The following AP4S1 variants were observed in gnomAD, a reference collection of about 807,000 sequenced individuals.
AP4S1 encodes the protein adaptor related protein complex 4 subunit sigma 1, also known as AP-4 complex subunit sigma-1.
A neutral mutation model predicts 19.8 loss-of-function variants in AP4S1; 23 were observed. The ratio of observed to expected loss-of-function variants is 1.16; its 90% CI spans 0.84 to 1.65. AP4S1 has a LOEUF of 1.65. Ranked by LOEUF, AP4S1 falls within the 40% of genes most tolerant of loss-of-function variation. The pLI, the probability that AP4S1 is intolerant of heterozygous loss-of-function variation, is 0.00. For synonymous variants in AP4S1, 46 were observed against 54.1 expected, an observed-to-expected ratio of 0.85 and a Z score of 0.66; for missense variants, 166 against 172.8, an observed-to-expected ratio of 0.96 and a Z score of 0.22.
chr14:31,081,467 G>A (rs1327174850), intron 5 of AP4S1, among the ~76,000 whole-genome samples: 7 of 152,106 alleles, frequency 4.6e-5, no homozygotes, highest in East Asian at 1.9e-4. Flanking sequence ...AAACAAGCAC[G>A]ATTTGCTTAG....
At chr14:31,086,955 C>T (rs930609949) in intron 5 of AP4S1, among the ~76,000 whole-genome samples, 7 of 151,926 alleles carry the variant, frequency 4.6e-5, no homozygotes, top group Admixed American at 4.6e-4. Flanking sequence ...AACTCCTGGG[C>T]TCAAGCAATC....
At position 31,085,892 on chromosome 14, in the gene AP4S1, CCT is replaced by C. The variant is rs1887901051; in HGVS notation, c.306+5309_306+5310del. Reference sequence around the variant, plus strand: ...GCTCTGGTGGGTTGTGTGAAAAAACCCTGATTCATGTCCCTTCTATTGCAGTT... The same window carrying C: ...GCTCTGGTGGGTTGTGTGAAAAAACCGATTCATGTCCCTTCTATTGCAGTT... On this transcript the variant is annotated intron_variant, in intron 5 of 5. Coordinates refer to ENST00000542754, the MANE Select transcript of AP4S1 (RefSeq NM_001128126.3). The C allele has an allele frequency of 3.1e-6, 3 of 952,956 alleles. No individual in the cohort carries two copies. In the South Asian group the frequency reaches 1.5e-4, roughly 46 times the overall value. The allele number at this position is 952,956 out of a possible 1,614,324, so 59.0% of individuals were successfully genotyped here. A position where few individuals can be genotyped will look rare whatever the true frequency, so the allele number is the denominator to read the frequency against.
At chr14:31,066,977 G>A (rs1886752152) in intron 2 of AP4S1, among the ~76,000 whole-genome samples, 1 of 152,214 alleles carries the variant, frequency 6.6e-6, no homozygotes, top group Non-Finnish European at 1.5e-5. Flanking sequence ...GCGCACGCCT[G>A]TAATCCCAGC....
intron 1 of AP4S1, among the ~76,000 whole-genome samples, chr14:31,053,169 G>C (rs1885902818): frequency 6.6e-6 from 1 of 152,120 alleles, no homozygotes; most frequent in African/African-American, 2.4e-5. Flanking sequence ...TTGAACACCA[G>C]ATCCCAGGTG....
At chr14:31,034,510 C>T (rs776671289) in intron 1 of AP4S1, among the ~76,000 whole-genome samples, 5 of 151,878 alleles carry the variant, frequency 3.3e-5, no homozygotes, top group Non-Finnish European at 7.4e-5. Flanking sequence ...AGGCTGGTCT[C>T]GAACTCCTGG....
chr14:31,027,772 C>A (rs1163007914), intron 1 of AP4S1, among the ~76,000 whole-genome samples: 1 of 152,110 alleles, frequency 6.6e-6, no homozygotes, highest in Non-Finnish European at 1.5e-5. Context: ...AGAAAATATC[C>A]TAATGCACTA....
intron 1 of AP4S1, among the ~76,000 whole-genome samples, chr14:31,056,822 A>G (rs961084538): frequency 6.6e-6 from 1 of 152,156 alleles, no homozygotes; most frequent in Non-Finnish European, 1.5e-5. Flanking sequence ...CACGTCTATA[A>G]TCCTAGCACT....
chr14:31,034,691 C>A (rs1032721847), intron 1 of AP4S1, among the ~76,000 whole-genome samples: 1 of 146,500 alleles, frequency 6.8e-6, no homozygotes, highest in Non-Finnish European at 1.5e-5. Flanking sequence ...GGTCTCGGCT[C>A]ACTGCAACCT....
chr14:31,049,090 A>T (rs915853499), intron 1 of AP4S1, among the ~76,000 whole-genome samples: 1 of 151,776 alleles, frequency 6.6e-6, no homozygotes, highest in African/African-American at 2.4e-5. Context: ...CTCTACAAAA[A>T]AAAACAACCA....
intron 1 of AP4S1, chr14:31,026,128 G>C: frequency 1.3e-6 from 2 of 1,499,660 alleles, no homozygotes; most frequent in Non-Finnish European, 1.8e-6. Context: ...CCCTGCTGCT[G>C]CCGGGGAGGG....
At chr14:31,041,075 CAAAAA>C (rs201251571) in intron 1 of AP4S1, among the ~76,000 whole-genome samples, 1 of 126,140 alleles carries the variant, frequency 7.9e-6, no homozygotes, top group Non-Finnish European at 1.7e-5. Context: ...GACTCCATCT[CAAAAA>C]AAAAAAAAAA....
At position 31,093,174 on chromosome 14, in the gene AP4S1, A is replaced by ATTT. The variant is rs1355391226; in HGVS notation, c.*141_*143dup. 1.2e-6 allele frequency: 1 copy of ATTT among 802,048 alleles called. No individual in the cohort carries two copies. The highest frequency in any genetic ancestry group is 1.8e-5 in the African/African-American group (1 of 54,734). The allele number at this position is 802,048 out of a possible 1,614,324, so 49.7% of individuals were successfully genotyped here. The stretch of plus-strand genomic sequence containing the variant: ...CCTTCCAAAGACATTATAAATAGGC[A>ATTT]TTTTCCACAGTTCCTAAAAAGAAAA... On this transcript the variant is annotated 3_prime_UTR_variant, in exon 6 of 6. Coordinates refer to ENST00000542754, the MANE Select transcript of AP4S1 (RefSeq NM_001128126.3).
At chr14:31,029,357 A>G (rs148640400) in intron 1 of AP4S1, among the ~76,000 whole-genome samples, 78 of 152,372 alleles carry the variant, frequency 5.1e-4, no homozygotes, top group African/African-American at 1.8e-3. Context: ...TAACATAAGC[A>G]TATAAATTGA....
intron 1 of AP4S1, among the ~76,000 whole-genome samples, chr14:31,048,715 G>T (rs924516648): frequency 1.3e-5 from 2 of 152,026 alleles, no homozygotes; most frequent in African/African-American, 4.8e-5. Context: ...CTCCAGCCTG[G>T]GTGACAGTGA....
chr14:31,061,275 T>A (rs1183895829), intron 1 of AP4S1, among the ~76,000 whole-genome samples: 1 of 152,172 alleles, frequency 6.6e-6, no homozygotes, highest in Non-Finnish European at 1.5e-5. Context: ...CACCTCAGCC[T>A]CCCAAAGTGC....
At chr14:31,053,554 T>C (rs1269202119) in intron 1 of AP4S1, among the ~76,000 whole-genome samples, 1 of 150,164 alleles carries the variant, frequency 6.7e-6, no homozygotes, top group African/African-American at 2.4e-5. Flanking sequence ...GGATGAATTC[T>C]AAATTCTAAA....
At chr14:31,055,428 A>G (rs968112051) in intron 1 of AP4S1, among the ~76,000 whole-genome samples, 7 of 152,174 alleles carry the variant, frequency 4.6e-5, no homozygotes, top group African/African-American at 1.4e-4. Context: ...TGTTCTAGGA[A>G]TGTTACATAT....
chr14:31,025,616 G>A, upstream of AP4S1: 1 of 489,646 alleles, frequency 2.0e-6, no homozygotes, highest in Non-Finnish European at 3.7e-6. Context: ...GGCCCGGGAA[G>A]GCCGCCTCCG....
intron 1 of AP4S1, among the ~76,000 whole-genome samples, chr14:31,033,347 G>A (rs1230681088): frequency 6.6e-6 from 1 of 151,944 alleles, no homozygotes; most frequent in African/African-American, 2.4e-5. Context: ...CTGAGTAGTT[G>A]GGACTACAGT....
Sources: allele counts gnomAD v4.1 joint callset (sites outside exome capture counted in the v4.1 genomes callset), GRCh38; gene constraint gnomAD v4.1.1; transcripts MANE v1.5; gene names NCBI Gene and HGNC (gene_info 2026-07-23, HGNC 2026-07-21).